PHACTR1: variants seen among roughly 807,000 people sequenced by gnomAD.
PHACTR1 encodes RPEL repeat containing 1.
In PHACTR1, 16 loss-of-function variants were observed where a neutral mutation model predicts 69.2. The observed-to-expected ratio is 0.23, with a 90% CI of 0.16 to 0.35. PHACTR1 has a LOEUF of 0.35. PHACTR1 is among the 10% of genes least tolerant of loss of function. The pLI, the probability that PHACTR1 is intolerant of heterozygous loss-of-function variation, is 1.00. For missense variants in PHACTR1, 510 were observed against 734.7 expected (o/e 0.69, Z 3.54); for synonymous variants, 312 against 284.5 (o/e 1.10, Z -0.97).
At chr6:13,230,871 C>G (rs1328616386) in intron 10 of PHACTR1, among the ~76,000 whole-genome samples, 1 of 152,012 alleles carries the variant, frequency 6.6e-6, no homozygotes, top group Non-Finnish European at 1.5e-5. Flanking sequence ...CAAAAATTAG[C>G]GAGATGTGGT....
At chr6:13,020,297 G>A (rs927637874) in intron 4 of PHACTR1, among the ~76,000 whole-genome samples, 1 of 152,194 alleles carries the variant, frequency 6.6e-6, no homozygotes, top group Non-Finnish European at 1.5e-5. Context: ...TTTTAGTGTT[G>A]TATTATTTTT....
At chr6:13,118,879 C>A (rs1367521241) in intron 5 of PHACTR1, among the ~76,000 whole-genome samples, 2 of 152,166 alleles carry the variant, frequency 1.3e-5, no homozygotes, top group African/African-American at 2.4e-5. Flanking sequence ...ATACTAGACT[C>A]ACTTTTGGAT....
intron 4 of PHACTR1, among the ~76,000 whole-genome samples, chr6:12,914,708 G>A (rs760320043): frequency 2.6e-5 from 4 of 151,658 alleles, no homozygotes; most frequent in Admixed American, 6.6e-5. Context: ...GAAATCACAC[G>A]GTCAACTGAA....
intron 4 of PHACTR1, among the ~76,000 whole-genome samples, chr6:12,900,860 T>G (rs1785117206): frequency 6.6e-6 from 1 of 152,248 alleles, no homozygotes; most frequent in Non-Finnish European, 1.5e-5. Context: ...GCTTGATGTT[T>G]AAACCTCTTT....
intron 5 of PHACTR1, among the ~76,000 whole-genome samples, chr6:13,146,971 T>C (rs980187655): frequency 3.9e-5 from 6 of 152,212 alleles, no homozygotes; most frequent in African/African-American, 1.2e-4. Context: ...CCCCAGAGCA[T>C]TGAGCGTTTG....
intron 3 of PHACTR1, among the ~76,000 whole-genome samples, chr6:12,729,183 G>A (rs895029770): frequency 6.6e-6 from 1 of 152,000 alleles, no homozygotes; most frequent in Non-Finnish European, 1.5e-5. Context: ...TTGGAGACAC[G>A]AAACAGCCTT....
Position 13,226,682 on chromosome 6 carries a change from ATTATT to A in PHACTR1, c.987-1126_987-1122del, listed in dbSNP as rs1016014430. Among the ~76,000 whole-genome samples, 7 of 152,196 alleles carry A rather than the reference ATTATT, an allele frequency of 4.6e-5. 1 individual carries two copies. The South Asian group carries it at 6.2e-4, about 14-fold the overall frequency. On this transcript the variant is annotated intron_variant, in intron 8 of 14. Transcript: ENST00000332995. ...CCTCAGCTAGAGGATTAAGAAAATA[ATTATT>A]TTATTTTTGATGACACGCATGTAGT... is the stretch of plus-strand genomic sequence containing the variant.
chr6:12,923,941 A>T (rs1189183212), intron 4 of PHACTR1, among the ~76,000 whole-genome samples: 5 of 152,180 alleles, frequency 3.3e-5, no homozygotes, highest in Non-Finnish European at 5.9e-5. Flanking sequence ...CACCACCATA[A>T]AGGTGGAGGT....
intron 4 of PHACTR1, among the ~76,000 whole-genome samples, chr6:12,813,822 C>T (rs1775289512): frequency 6.6e-6 from 1 of 152,244 alleles, no homozygotes; most frequent in South Asian, 2.1e-4. Context: ...AGCCTTGCCA[C>T]TCCGAGTGTG....
intron 4 of PHACTR1, among the ~76,000 whole-genome samples, chr6:12,977,249 G>T (rs561596631): frequency 1.3e-5 from 2 of 152,218 alleles, no homozygotes; most frequent in African/African-American, 2.4e-5. Flanking sequence ...ACCGCGCCTG[G>T]CCAAAAATGA....
At chr6:13,229,717 T>G (rs960468585) in intron 9 of PHACTR1, among the ~76,000 whole-genome samples, 2 of 152,232 alleles carry the variant, frequency 1.3e-5, no homozygotes, top group African/African-American at 4.8e-5. Context: ...TAAAAGCCTC[T>G]GTCCTATCTC....
At chr6:12,745,955 T>A (rs1189251027) in intron 3 of PHACTR1, among the ~76,000 whole-genome samples, 1 of 152,166 alleles carries the variant, frequency 6.6e-6, no homozygotes, top group South Asian at 2.1e-4. Flanking sequence ...ACTGATGTCA[T>A]GCAGCCAGAT....
intron 8 of PHACTR1, among the ~76,000 whole-genome samples, chr6:13,213,071 G>C (rs1355490161): frequency 6.6e-6 from 1 of 150,888 alleles, no homozygotes. Flanking sequence ...GCCTACAACA[G>C]GGCCTGGCTT....
intron 4 of PHACTR1, among the ~76,000 whole-genome samples, chr6:13,051,600 C>T (rs1561754524): frequency 6.6e-6 from 1 of 152,168 alleles, no homozygotes; most frequent in South Asian, 2.1e-4. Context: ...GTTTCTCCTC[C>T]CAGGGATCCG....
intron 10 of PHACTR1, among the ~76,000 whole-genome samples, chr6:13,236,964 A>G (rs748004650): frequency 4.6e-5 from 7 of 152,204 alleles, no homozygotes; most frequent in Non-Finnish European, 8.8e-5. Context: ...CCACCCTTGC[A>G]TCAAGAGGCC....
chr6:12,982,527 A>C (rs1368470166), intron 4 of PHACTR1, among the ~76,000 whole-genome samples: 1 of 152,122 alleles, frequency 6.6e-6, no homozygotes, highest in Non-Finnish European at 1.5e-5. Context: ...AAAAATACAA[A>C]AATTAGCCAG....
intron 8 of PHACTR1, among the ~76,000 whole-genome samples, chr6:13,224,898 T>C (rs1406769352): frequency 2.0e-5 from 3 of 152,184 alleles, no homozygotes; most frequent in African/African-American, 4.8e-5. Flanking sequence ...TGGAAGGCCA[T>C]GTCTGTCAAT....
At chr6:13,053,083 C>T (rs1806205524) in intron 4 of PHACTR1, among the ~76,000 whole-genome samples, 1 of 152,162 alleles carries the variant, frequency 6.6e-6, no homozygotes, top group Non-Finnish European at 1.5e-5. Context: ...GGGCGGTAGT[C>T]CCTGACTTGT....
intron 4 of PHACTR1, among the ~76,000 whole-genome samples, chr6:12,972,471 C>A (rs991877483): frequency 4.6e-5 from 7 of 151,974 alleles, no homozygotes; most frequent in African/African-American, 1.7e-4. Flanking sequence ...GTCAGAAGAC[C>A]AAAATCAATC....
Sources: gnomAD v4.1 joint callset for allele counts (sites outside exome capture counted in the v4.1 genomes callset) on GRCh38, gnomAD v4.1.1 for gene constraint, MANE v1.5 for transcripts, NCBI Gene and HGNC (gene_info 2026-07-23, HGNC 2026-07-21) for gene names.